Variants in FYCO1 observed in about 807,000 individuals in gnomAD.
FYCO1 encodes the protein FYVE and coiled-coil domain autophagy adaptor 1, also known as FYVE and coiled-coil domain-containing protein 1.
A neutral mutation model predicts 165.1 loss-of-function variants in FYCO1; 122 were observed. The observed-to-expected ratio is 0.74, with a 90% CI of 0.64 to 0.86. The LOEUF (loss-of-function observed/expected upper bound fraction) is 0.86. Ranked by LOEUF, FYCO1 falls within the 40% of genes least tolerant of loss-of-function variation. The pLI is 0.00. For missense variants in FYCO1, 1,702 were observed against 1,810.3 expected (o/e 0.94, Z 1.09); for synonymous variants, 648 against 742.5 (o/e 0.87, Z 2.07).
intron 6 of FYCO1, among the ~76,000 whole-genome samples, chr3:45,970,830 A>C (rs1706401459): frequency 6.6e-6 from 1 of 152,194 alleles, no homozygotes. Flanking sequence ...TGCAAAGGAT[A>C]GCTATTACAT....
chr3:45,973,130 G>A lies in FYCO1; in HGVS notation c.497C>T (p.Ser166Leu), dbSNP rs1335395536. The change falls in exon 6 of 18, where the codon TCG becomes TTG. Residue 166 changes from serine to leucine, a missense_variant. By Grantham distance (145) the Ser-to-Leu change is moderately radical. Coordinates refer to ENST00000296137, the MANE Select transcript of FYCO1 (RefSeq NM_024513.4). The stretch of plus-strand genomic sequence containing the variant: ...GGCAGCATCCAAGTCAAAGCCCCTC[G>A]ACGCCAGGTCAAACTGAACCTCAGT... ...ELTEVQFDLASRGFDLDAAWP... is the reference protein window; with the variant it reads ...ELTEVQFDLALRGFDLDAAWP... The A allele has an allele frequency of 9.3e-6, 15 of 1,614,054 alleles. No individual in the cohort carries two copies. The highest frequency in any genetic ancestry group is 1.2e-5 in the Non-Finnish European group (14 of 1,180,032).
chr3:45,941,375 C>G (rs1312860116), intron 14 of FYCO1: 1 of 152,140 alleles, frequency 6.6e-6, no homozygotes, highest in Non-Finnish European at 1.5e-5. Context: ...TTTTACTCTT[C>G]CCTCAATTTT....
intron 14 of FYCO1, chr3:45,947,598 CTTGCGCA>C: frequency 9.9e-7 from 1 of 1,007,930 alleles, no homozygotes; most frequent in African/African-American, 1.6e-5. Context: ...TTGTTTATAG[CTTGCGCA>C]TTCTCATGGA....
intron 11 of FYCO1, among the ~76,000 whole-genome samples, chr3:45,961,759 G>C (rs1047267407): frequency 6.6e-6 from 1 of 152,210 alleles, no homozygotes; most frequent in African/African-American, 2.4e-5. Flanking sequence ...CACTGTTGAA[G>C]CTGGGTGACA....
chr3:45,952,298 T>C (rs1705077284), intron 14 of FYCO1, among the ~76,000 whole-genome samples: 1 of 152,186 alleles, frequency 6.6e-6, no homozygotes, highest in African/African-American at 2.4e-5. Flanking sequence ...TGCTTATTTT[T>C]TCCCGAAGTT....
rs770509249 is a variant in FYCO1 at position 45,967,461 on chromosome 3, G to A, written c.1873C>T (p.Leu625=). 6.2e-7 allele frequency: 1 copy of A among 1,613,550 alleles called. No homozygotes were observed. Among genetic ancestry groups the A allele is most frequent in the African/African-American group, 1.3e-5 (1 of 74,928 alleles). ...TGGTTACGCCCGACCACATTCTGTA[G>A]CTCCTTCTCCAGCTCCCTGTTGGCC... ...RQANRELEKE[L]QNVVGRNQLL... is the part of the protein sequence containing the mutation. Residue 625 remains leucine, a synonymous_variant, in exon 8 of 18, where the codon CTA becomes TTA. Transcript: ENST00000296137.
intron 12 of FYCO1, 148 bp from the exon 13 acceptor site, chr3:45,958,767 C>G: frequency 1.3e-6 from 1 of 753,072 alleles, no homozygotes; most frequent in South Asian, 1.5e-5. Flanking sequence ...GAGCTCATTT[C>G]ATAAGATTCC....
chr3:45,932,040 C>T (rs1441694554), intron 15 of FYCO1, among the ~76,000 whole-genome samples: 3 of 152,204 alleles, frequency 2.0e-5, no homozygotes. Flanking sequence ...GCCAAGGGAC[C>T]TGCCTCACTG....
intron 6 of FYCO1, among the ~76,000 whole-genome samples, chr3:45,971,295 G>A (rs1018760515): frequency 2.0e-5 from 3 of 152,138 alleles, no homozygotes; most frequent in Non-Finnish European, 2.9e-5. Context: ...AAATAATGGA[G>A]TTAGAAAATC....
intron 14 of FYCO1, among the ~76,000 whole-genome samples, chr3:45,950,263 G>A (rs191014485): frequency 6.6e-6 from 1 of 151,650 alleles, no homozygotes; most frequent in East Asian, 2.0e-4. Flanking sequence ...GGTAAAGGAT[G>A]TGCTCTTTCC....
At chr3:45,921,916 C>A (rs936516426) in intron 17 of FYCO1, 76 bp from the exon 18 acceptor site, 20 of 908,062 alleles carry the variant, frequency 2.2e-5, no homozygotes, top group Non-Finnish European at 3.7e-5. Context: ...GCTGCTGAGG[C>A]CTCTGTGGTC....
intron 2 of FYCO1, among the ~76,000 whole-genome samples, chr3:45,984,415 G>A (rs569035539): frequency 5.1e-4 from 77 of 152,320 alleles, no homozygotes; most frequent in East Asian, 1.9e-4. Flanking sequence ...TGGGCCATCC[G>A]CCAGCCAGGA....
intron 1 of FYCO1, among the ~76,000 whole-genome samples, chr3:45,990,321 G>A (rs180718862): frequency 3.4e-4 from 52 of 152,270 alleles, no homozygotes; most frequent in African/African-American, 1.2e-3. Flanking sequence ...GGCAGTGGGT[G>A]GAGCTCTGAC....
chr3:45,938,668 A>G (rs569340005), intron 14 of FYCO1, among the ~76,000 whole-genome samples: 107 of 152,224 alleles, frequency 7.0e-4, no homozygotes, highest in African/African-American at 2.6e-3. Context: ...TAATTTTTGT[A>G]TTTTTAGTAG....
Position 45,966,903 on chromosome 3 carries a change from T to C in FYCO1, c.2431A>G (p.Ser811Gly), listed in dbSNP as rs1706063802. ...AALDDQDKVQ[S>G]QLSMAEAVLR... ...ACGGCCTCAGCCATGCTTAGCTGGC[T>C]CTGCACCTTGTCCTGGTCATCCAGG... The change falls in exon 8 of 18, where the codon AGC (serine) becomes GGC (glycine). Residue 811 changes from serine to glycine, a missense_variant. Physicochemically the swap from Ser to Gly is moderately conservative, Grantham distance 56. Coordinates refer to ENST00000296137, the MANE Select transcript of FYCO1 (RefSeq NM_024513.4). 1 of 1,613,622 alleles carries C rather than the reference T, an allele frequency of 6.2e-7. No homozygotes were observed. Among genetic ancestry groups the C allele is most frequent in the Admixed American group, 1.7e-5 (1 of 60,012 alleles).
intron 11 of FYCO1, 150 bp from the exon 12 acceptor site, chr3:45,959,692 A>T: frequency 1.2e-6 from 1 of 847,422 alleles, no homozygotes. Context: ...AGCCCATGCT[A>T]AGTCTCCTCC....
At chr3:45,965,398 G>A (rs1454788766) in intron 8 of FYCO1, among the ~76,000 whole-genome samples, 1 of 152,208 alleles carries the variant, frequency 6.6e-6, no homozygotes, top group Non-Finnish European at 1.5e-5. Flanking sequence ...GGGTGGCACT[G>A]GGTGGGGAGG....
chr3:45,939,729 T>A (rs1409116703), intron 14 of FYCO1, among the ~76,000 whole-genome samples: 1 of 152,222 alleles, frequency 6.6e-6, no homozygotes, highest in Non-Finnish European at 1.5e-5. Flanking sequence ...CCATCGTCCC[T>A]CTGGTCAGCC....
intron 15 of FYCO1, among the ~76,000 whole-genome samples, chr3:45,934,920 A>C (rs1017510136): frequency 2.0e-5 from 3 of 152,234 alleles, no homozygotes; most frequent in African/African-American, 7.2e-5. Context: ...CTTTTGGTAC[A>C]TTCTGCAGCC....
Sources: gnomAD v4.1 joint callset for allele counts (sites outside exome capture counted in the v4.1 genomes callset) on GRCh38, gnomAD v4.1.1 for gene constraint, MANE v1.5 for transcripts, NCBI Gene and HGNC (gene_info 2026-07-23, HGNC 2026-07-21) for gene names.